Variants in NTNG1 observed in about 807,000 individuals in gnomAD.
NTNG1 encodes the protein netrin-G1.
In NTNG1, 16 loss-of-function variants were observed where a neutral mutation model predicts 54.0. That is an observed-to-expected ratio of 0.30 (90% CI 0.20 to 0.45). The LOEUF is 0.45. NTNG1 is among the 20% of genes least tolerant of loss of function. NTNG1 has a pLI of 1.00. For synonymous variants in NTNG1, 255 were observed against 263.1 expected, an observed-to-expected ratio of 0.97 and a Z score of 0.30; for missense variants, 530 against 678.7, an observed-to-expected ratio of 0.78 and a Z score of 2.43.
intron 3 of NTNG1, among the ~76,000 whole-genome samples, chr1:107,326,166 A>G (rs1191301057): frequency 6.6e-6 from 1 of 152,130 alleles, no homozygotes; most frequent in African/African-American, 2.4e-5. Context: ...TTAGCTGTGG[A>G]AAAGCAGTAG....
At chr1:107,303,568 G>C (rs977991428) in intron 2 of NTNG1, among the ~76,000 whole-genome samples, 12 of 151,980 alleles carry the variant, frequency 7.9e-5, no homozygotes, top group Non-Finnish European at 1.8e-4. Context: ...TTTGCACTCT[G>C]TCATCAAACA....
intron 4 of NTNG1, among the ~76,000 whole-genome samples, chr1:107,397,649 T>A (rs1672762306): frequency 6.6e-6 from 1 of 152,180 alleles, no homozygotes; most frequent in African/African-American, 2.4e-5. Context: ...ATTCAAAAAA[T>A]AATTTATTTT....
chr1:107,148,432 G>A lies in NTNG1; in HGVS notation c.-162G>A. The A allele has an allele frequency of 1.6e-6, 1 of 637,532 alleles. No homozygotes were observed. The highest frequency in any genetic ancestry group is 2.7e-6 in the Non-Finnish European group (1 of 367,550). 39.5% of individuals were successfully genotyped at this position (637,532 alleles called of 1,614,324 possible). On this transcript the variant is annotated 5_prime_UTR_variant, in exon 2 of 8. Coordinates refer to ENST00000370068, the MANE Select transcript of NTNG1 (RefSeq NM_001113226.3). ...TCTTAACTCTTCATATTTGGTTTTG[G>A]GATCTGCTTTGAGGTCCCATCTTCA...
intron 7 of NTNG1, among the ~76,000 whole-genome samples, chr1:107,439,183 A>T (rs567770158): frequency 8.3e-4 from 127 of 152,282 alleles, no homozygotes; most frequent in African/African-American, 3.0e-3. Context: ...CAGAAAAGTG[A>T]CATGTAGTTA....
At chr1:107,292,849 G>C (rs1015042557) in intron 2 of NTNG1, among the ~76,000 whole-genome samples, 1 of 152,130 alleles carries the variant, frequency 6.6e-6, no homozygotes, top group African/African-American at 2.4e-5. Context: ...AGGTCAAACT[G>C]TGCACTTGTC....
At chr1:107,198,048 T>C (rs986298653) in intron 2 of NTNG1, among the ~76,000 whole-genome samples, 2 of 152,028 alleles carry the variant, frequency 1.3e-5, no homozygotes, top group African/African-American at 4.8e-5. Flanking sequence ...ACAGCTTATT[T>C]AGATATTCTG....
chr1:107,352,256 C>G (rs1342938227), intron 3 of NTNG1, among the ~76,000 whole-genome samples: 1 of 152,246 alleles, frequency 6.6e-6, no homozygotes, highest in Admixed American at 6.5e-5. Context: ...GCTCCAGCCC[C>G]ACATTTCCCC....
chr1:107,162,772 T>C (rs1170714216), intron 2 of NTNG1, among the ~76,000 whole-genome samples: 1 of 152,150 alleles, frequency 6.6e-6, no homozygotes. Context: ...CTTAACCATA[T>C]GTAATTTTTT....
intron 2 of NTNG1, among the ~76,000 whole-genome samples, chr1:107,312,136 C>G (rs1667054753): frequency 6.6e-6 from 1 of 151,848 alleles, no homozygotes; most frequent in Non-Finnish European, 1.5e-5. Flanking sequence ...TAATTTTGAG[C>G]CTATTAATGA....
Position 107,381,947 on chromosome 1 carries a change from C to G in NTNG1, c.888-13207C>G, listed in dbSNP as rs546996101. On this transcript the variant is annotated intron_variant, in intron 3 of 7. Transcript: ENST00000370068. ...CAGTATTGTAATTAAAAGGACTTGT[C>G]TCTCCCATGATCTCAGCAAAGGCCC... is the stretch of plus-strand genomic sequence containing the variant. Among the ~76,000 whole-genome samples the G allele has an allele frequency of 8.9e-4, 136 of 152,244 alleles. 2 individuals are homozygous for G. The South Asian group carries it at 0.011, about 12-fold the overall frequency.
chr1:107,272,686 T>A (rs1256041541), intron 2 of NTNG1, among the ~76,000 whole-genome samples: 1 of 152,178 alleles, frequency 6.6e-6, no homozygotes, highest in African/African-American at 2.4e-5. Context: ...GTTGAGCAAG[T>A]GAAAGCCATT....
chr1:107,391,876 T>G (rs1376751061), intron 3 of NTNG1, among the ~76,000 whole-genome samples: 2 of 152,050 alleles, frequency 1.3e-5, no homozygotes, highest in African/African-American at 2.4e-5. Flanking sequence ...CATTTCAACA[T>G]GAGATTTGGA....
chr1:107,397,962 A>G (rs1297805983), intron 4 of NTNG1, among the ~76,000 whole-genome samples: 1 of 151,898 alleles, frequency 6.6e-6, no homozygotes, highest in Admixed American at 6.6e-5. Context: ...TTTCTTACAC[A>G]TATGCATACA....
chr1:107,204,250 T>G (rs1659000379), intron 2 of NTNG1, among the ~76,000 whole-genome samples: 1 of 152,164 alleles, frequency 6.6e-6, no homozygotes, highest in South Asian at 2.1e-4. Flanking sequence ...TATAGCAGAT[T>G]AGTTGATGCT....
At chr1:107,251,736 T>A (rs576389745) in intron 2 of NTNG1, among the ~76,000 whole-genome samples, 14 of 152,318 alleles carry the variant, frequency 9.2e-5, no homozygotes, top group African/African-American at 3.1e-4. Flanking sequence ...GTAAGGGCCC[T>A]TCCTGTCCAC....
chr1:107,215,796 T>C (rs1659912061), intron 2 of NTNG1, among the ~76,000 whole-genome samples: 1 of 152,132 alleles, frequency 6.6e-6, no homozygotes, highest in East Asian at 1.9e-4. Context: ...TATTTGCTTG[T>C]GTCATCTATG....
At chr1:107,308,154 T>C (rs929467870) in intron 2 of NTNG1, among the ~76,000 whole-genome samples, 5 of 152,230 alleles carry the variant, frequency 3.3e-5, no homozygotes, top group Admixed American at 2.0e-4. Context: ...CTCTTAAGTT[T>C]AATTAGATCC....
At chr1:107,412,617 G>A (rs927336899) in intron 5 of NTNG1, among the ~76,000 whole-genome samples, 6 of 152,142 alleles carry the variant, frequency 3.9e-5, no homozygotes, top group African/African-American at 1.4e-4. Flanking sequence ...TTTCTATGCA[G>A]GGAACTGTAG....
intron 7 of NTNG1, among the ~76,000 whole-genome samples, chr1:107,457,518 T>C (rs1490083055): frequency 6.6e-6 from 1 of 152,230 alleles, no homozygotes; most frequent in African/African-American, 2.4e-5. Context: ...TCATGCTAAA[T>C]TAAAACATAT....
Sources: allele counts gnomAD v4.1 joint callset (sites outside exome capture counted in the v4.1 genomes callset), GRCh38; gene constraint gnomAD v4.1.1; transcripts MANE v1.5; gene names NCBI Gene and HGNC (gene_info 2026-07-23, HGNC 2026-07-21).